The following FGGY variants were observed in gnomAD, a reference collection of about 807,000 sequenced individuals.
FGGY encodes FGGY carbohydrate kinase domain containing.
Under a neutral mutation model 71.3 loss-of-function variants are expected in FGGY, and 72 were observed. The ratio of observed to expected loss-of-function variants is 1.01; its 90% confidence interval spans 0.84 to 1.23. The LOEUF (loss-of-function observed/expected upper bound fraction) is 1.23. Among genes scored for constraint, FGGY ranks in the 50% most tolerant of loss-of-function variants. The pLI, the probability that FGGY is intolerant of heterozygous loss-of-function variation, is 0.00. For synonymous variants in FGGY, 251 were observed against 250.3 expected (o/e 1.00, Z -0.02); for missense variants, 668 against 682.3 (o/e 0.98, Z 0.23).
At chr1:59,603,901 C>T (rs2096599885) in intron 8 of FGGY, among the ~76,000 whole-genome samples, 1 of 152,178 alleles carries the variant, frequency 6.6e-6, no homozygotes, top group South Asian at 2.1e-4. Flanking sequence ...TATAATTTGG[C>T]AGAGACAAAT....
chr1:59,600,665 G>A (rs2096568442), intron 8 of FGGY, among the ~76,000 whole-genome samples: 1 of 152,170 alleles, frequency 6.6e-6, no homozygotes, highest in Non-Finnish European at 1.5e-5. Context: ...AGAGCATACT[G>A]TGTCCTAGGA....
At chr1:59,683,751 C>A (rs1474393735) in intron 14 of FGGY, among the ~76,000 whole-genome samples, 1 of 152,214 alleles carries the variant, frequency 6.6e-6, no homozygotes, top group Non-Finnish European at 1.5e-5. Flanking sequence ...GTAAAGGCAT[C>A]TTCTTCCCTT....
intron 5 of FGGY, among the ~76,000 whole-genome samples, chr1:59,409,831 C>T (rs2063339219): frequency 6.6e-6 from 1 of 151,970 alleles, no homozygotes; most frequent in Admixed American, 6.6e-5. Context: ...ATGGAGTATC[C>T]ATTATGTGTT....
intron 14 of FGGY, among the ~76,000 whole-genome samples, chr1:59,729,984 C>T (rs866069232): frequency 1.3e-5 from 2 of 152,182 alleles, no homozygotes; most frequent in African/African-American, 2.4e-5. Flanking sequence ...TTTCCCTCCC[C>T]CTGCCAGAGC....
intron 9 of FGGY, among the ~76,000 whole-genome samples, chr1:59,621,713 TATATA>T (rs1348016999): frequency 6.6e-6 from 1 of 151,976 alleles, no homozygotes; most frequent in East Asian, 1.9e-4. Context: ...TCTTTCCCTT[TATATA>T]ATATGTCATT....
chr1:59,715,936 C>T (rs550761350), intron 14 of FGGY, among the ~76,000 whole-genome samples: 4 of 152,332 alleles, frequency 2.6e-5, no homozygotes, highest in East Asian at 1.9e-4. Context: ...ATGGCTGCTA[C>T]TGTGCTACAA....
At chr1:59,455,458 AG>A (rs1241757278) in intron 5 of FGGY, among the ~76,000 whole-genome samples, 1 of 152,216 alleles carries the variant, frequency 6.6e-6, no homozygotes, top group African/African-American at 2.4e-5. Flanking sequence ...TGAGAAGGCA[AG>A]GGTGGGGATG....
chr1:59,729,579 A>AC (rs779313487), intron 14 of FGGY, among the ~76,000 whole-genome samples: 2 of 151,846 alleles, frequency 1.3e-5, no homozygotes, highest in Non-Finnish European at 2.9e-5. Flanking sequence ...TATTGTCCTT[A>AC]TTTTTTCATC....
At chr1:59,375,606 A>T (rs927017900) in intron 4 of FGGY, among the ~76,000 whole-genome samples, 2 of 152,210 alleles carry the variant, frequency 1.3e-5, no homozygotes, top group African/African-American at 4.8e-5. Flanking sequence ...TTCAGAGGTT[A>T]TAGAGGGCTT....
chr1:59,481,027 A>G (rs1275852273), intron 6 of FGGY, among the ~76,000 whole-genome samples: 3 of 151,948 alleles, frequency 2.0e-5, no homozygotes, highest in African/African-American at 7.3e-5. Context: ...ACATACACAC[A>G]TATAATTTAT....
At chr1:59,631,044 T>C (rs1259820246) in intron 10 of FGGY, among the ~76,000 whole-genome samples, 2 of 152,200 alleles carry the variant, frequency 1.3e-5, no homozygotes, top group Non-Finnish European at 2.9e-5. Context: ...TTTTGCTAAG[T>C]CCATAGGATG....
At chr1:59,393,771 T>C (rs1224223073) in intron 5 of FGGY, among the ~76,000 whole-genome samples, 1 of 152,204 alleles carries the variant, frequency 6.6e-6, no homozygotes, top group Non-Finnish European at 1.5e-5. Flanking sequence ...GGTTTTTTGA[T>C]GATGGGAAAG....
chr1:59,705,700 G>A (rs1354699840), intron 14 of FGGY, among the ~76,000 whole-genome samples: 3 of 152,174 alleles, frequency 2.0e-5, no homozygotes, highest in Admixed American at 6.5e-5. Context: ...GCTTCTCTGA[G>A]CCTTAGTTTA....
intron 5 of FGGY, among the ~76,000 whole-genome samples, chr1:59,428,944 C>T (rs1012947212): frequency 2.6e-5 from 4 of 152,154 alleles, no homozygotes; most frequent in African/African-American, 7.2e-5. Flanking sequence ...GGTCCTTACC[C>T]GCTAGAGTGA....
intron 12 of FGGY, among the ~76,000 whole-genome samples, chr1:59,661,017 C>T (rs1462657875): frequency 6.6e-6 from 1 of 151,878 alleles, no homozygotes; most frequent in Non-Finnish European, 1.5e-5. Context: ...GGTATGTAAC[C>T]GAAATTAAGT....
intron 6 of FGGY, among the ~76,000 whole-genome samples, chr1:59,497,597 A>G (rs1462803317): frequency 2.6e-5 from 4 of 152,136 alleles, no homozygotes; most frequent in Non-Finnish European, 4.4e-5. Flanking sequence ...CAAACAAACA[A>G]AGAAACAAAA....
chr1:59,676,127 A>G (rs1392373258), intron 14 of FGGY, among the ~76,000 whole-genome samples: 2 of 152,032 alleles, frequency 1.3e-5, no homozygotes, highest in Non-Finnish European at 2.9e-5. Context: ...TACCCAGTCT[A>G]TGGCATTTTG....
At chr1:59,400,793 A>G (rs1468789299) in intron 5 of FGGY, among the ~76,000 whole-genome samples, 5 of 151,936 alleles carry the variant, frequency 3.3e-5, no homozygotes, top group African/African-American at 1.2e-4. Context: ...TATTTTTGAG[A>G]TAGGGTCTTG....
intron 5 of FGGY, among the ~76,000 whole-genome samples, chr1:59,426,974 C>T (rs1250711768): frequency 6.6e-6 from 1 of 152,084 alleles, no homozygotes; most frequent in Non-Finnish European, 1.5e-5. Flanking sequence ...TTTTCAGAGG[C>T]CAAGCATGCT....
Sources: allele counts gnomAD v4.1 joint callset (sites outside exome capture counted in the v4.1 genomes callset), GRCh38; gene constraint gnomAD v4.1.1; transcripts MANE v1.5; gene names NCBI Gene and HGNC (gene_info 2026-07-23, HGNC 2026-07-21).